Variants in SZT2 observed in about 807,000 individuals in gnomAD.
SZT2 encodes KICSTOR complex protein SZT2.
A neutral mutation model predicts 404.2 loss-of-function variants in SZT2; 216 were observed. The observed-to-expected ratio is 0.53, with a 90% CI of 0.48 to 0.60. SZT2 has a LOEUF of 0.60. Ranked by LOEUF, SZT2 falls within the 20% of genes least tolerant of loss-of-function variation. The probability of loss-of-function intolerance (pLI) is 0.00; values close to 1 mark genes in which losing one functional copy is unlikely to be tolerated. For missense variants in SZT2, 3,857 were observed against 4,459.2 expected (o/e 0.86, Z 3.85); for synonymous variants, 1,693 against 1,749.9 (o/e 0.97, Z 0.81).
Position 43,426,531 on chromosome 1 carries a change from C to T in SZT2, c.3207C>T (p.His1069=), listed in dbSNP as rs1034893903. Reference sequence around the variant, plus strand: ...GTGAGGTGCTGCGGCGGACCTGCCACGTTCCAGGTGAGTTCCCCACATCCT... The same window carrying T: ...GTGAGGTGCTGCGGCGGACCTGCCATGTTCCAGGTGAGTTCCCCACATCCT... ...FLSEVLRRTC[H]VPGAEGPLLG... is the part of the protein sequence containing the mutation. The change falls in exon 22 of 72, where the codon CAC becomes CAT. Residue 1069 remains histidine (H), a synonymous_variant. Transcript: ENST00000634258. The surrounding 1 kb of genome is among the most constrained non-coding windows in gnomAD (Gnocchi z 4.9). 119 of 1,574,490 alleles carry T rather than the reference C, an allele frequency of 7.6e-5. No homozygotes were observed. The highest frequency in any genetic ancestry group is 3.2e-4 in the South Asian group (28 of 87,712).
chr1:43,431,899 G>A lies in SZT2; in HGVS notation c.5272G>A (p.Glu1758Lys), dbSNP rs1653935784. Residue 1758 changes from glutamate to lysine, a missense_variant and splice_region_variant, in exon 36 of 72, where the codon GAG becomes AAG. Transcript: ENST00000634258. ...GPERSLTQFK[E>K]EFRRLHLPGH... Reference sequence around the variant, plus strand: ...AGAGCGTTCCCTCACACAATTCAAGGAGGTAAGTTGCCCTCCAAACACTGC... The same window carrying A: ...AGAGCGTTCCCTCACACAATTCAAGAAGGTAAGTTGCCCTCCAAACACTGC... 1.2e-6 allele frequency: 2 copies of A among 1,614,074 alleles called. No homozygotes were observed. The highest frequency in any genetic ancestry group is 1.7e-5 in the Admixed American group (1 of 60,026).
intron 63 of SZT2, 59 bp downstream of exon 63, chr1:43,446,043 G>T (rs1033781504): frequency 1.9e-6 from 3 of 1,598,546 alleles, no homozygotes; most frequent in Non-Finnish European, 2.6e-6. Flanking sequence ...ACGGCCTGAG[G>T]TCATTGACCC....
In SZT2 at chr1:43,441,374, G is replaced by A. The variant is rs1158981652; in HGVS notation, c.7505G>A (p.Arg2502Lys). The change falls in exon 53 of 72, where the codon AGA (arginine) becomes AAA (lysine). Residue 2502 changes from arginine to lysine, a missense_variant. By Grantham distance (26) the Arg-to-Lys change is conservative. Coordinates refer to ENST00000634258, the MANE Select transcript of SZT2 (RefSeq NM_001365999.1). This position sits in a 1 kb window ranked among gnomAD's most constrained non-coding sequence, Gnocchi z 4.8. ...CCAGGCTCAGATTCTGGAGCCCAGA[G>A]ACAAAAGTATGTGTGTGGTGGTGGT... ...RAPGSDSGAQ[R>K]QKRRTTQLEE... The A allele has an allele frequency of 6.2e-7, 1 of 1,614,168 alleles. No homozygotes were observed. Among genetic ancestry groups the A allele is most frequent in the South Asian group, 1.1e-5 (1 of 91,070 alleles).
chr1:43,424,918 C>A lies in SZT2; in HGVS notation c.2550+56C>A. The A allele has an allele frequency of 2.5e-6, 4 of 1,570,986 alleles. No individual in the cohort carries two copies. Among genetic ancestry groups the A allele is most frequent in the Non-Finnish European group, 3.5e-6 (4 of 1,141,534 alleles). ...CCAAGGTCTGTCATAATCCCAGGGA[C>A]ACTCACCTCTGAGCTGGGTTGGGAC... On this transcript the variant is annotated intron_variant, in intron 17 of 71. Transcript: ENST00000634258. This position sits in a 1 kb window ranked among gnomAD's most constrained non-coding sequence, Gnocchi z 4.1.
At position 43,416,092 on chromosome 1, in the gene SZT2, T is replaced by G. The variant is rs1046368553; in HGVS notation, c.763T>G (p.Ser255Ala). 1 of 1,598,212 alleles carries G rather than the reference T, an allele frequency of 6.3e-7. No homozygotes were observed. The highest frequency in any genetic ancestry group is 1.3e-5 in the African/African-American group (1 of 74,974). The change falls in exon 6 of 72, where the codon TCT (serine) becomes GCT (alanine). Residue 255 changes from serine (S) to alanine (A), a missense_variant. Physicochemically the swap from Ser to Ala is moderately conservative, Grantham distance 99. Transcript: ENST00000634258. ...GGCACTGCAGTTACTACCCTCGAAC[T>G]CTAGTGCAGGTCAGTAGAAGGAATA... ...ILALQLLPSN[S>A]SAGIIVITDG... is the part of the protein sequence containing the mutation.
chr1:43,401,269 T>C (rs1649654504), intron 1 of SZT2, among the ~76,000 whole-genome samples: 1 of 152,214 alleles, frequency 6.6e-6, no homozygotes, highest in South Asian at 2.1e-4. Flanking sequence ...GCTGAGCACT[T>C]CATATGCATG....
chr1:43,437,334 G>C lies in SZT2; in HGVS notation c.6187+11G>C. On this transcript the variant is annotated intron_variant, in intron 43 of 71. Transcript: ENST00000634258. The surrounding 1 kb of genome is among the most constrained non-coding windows in gnomAD (Gnocchi z 5.3). ...TGGGGGTCTCTCGGGGTATGTGATTGGCATGAGAGGGCAGGTGAGCATTGG... is the reference window on the plus strand; with the variant it reads ...TGGGGGTCTCTCGGGGTATGTGATTCGCATGAGAGGGCAGGTGAGCATTGG... 1 of 1,614,132 alleles carries C rather than the reference G, an allele frequency of 6.2e-7. No homozygotes were observed. Among genetic ancestry groups the C allele is most frequent in the Non-Finnish European group, 8.5e-7 (1 of 1,180,012 alleles).
chr1:43,442,532 G>A lies in SZT2; in HGVS notation c.8065G>A (p.Ala2689Thr). 1 of 1,614,110 alleles carries A rather than the reference G, an allele frequency of 6.2e-7. No individual in the cohort carries two copies. The highest frequency in any genetic ancestry group is 8.5e-7 in the Non-Finnish European group (1 of 1,179,988). The change falls in exon 58 of 72, where the codon GCC (alanine) becomes ACC (threonine). Residue 2689 changes from alanine to threonine, a missense_variant. Ala to Thr is a moderately conservative substitution (Grantham distance 58, BLOSUM62 0). Coordinates refer to ENST00000634258, the MANE Select transcript of SZT2 (RefSeq NM_001365999.1). The surrounding 1 kb of genome is among the most constrained non-coding windows in gnomAD (Gnocchi z 4.5). ...VRLVQWQNARAHLIFCLLSQK... is the reference protein window; with the variant it reads ...VRLVQWQNARTHLIFCLLSQK... ...CCTGGTGCAGTGGCAGAATGCACGA[G>A]CCCATCTCATCTTCTGCCTACTCAG...
At chr1:43,396,020 C>G (rs1454160506) in intron 1 of SZT2, among the ~76,000 whole-genome samples, 1 of 152,106 alleles carries the variant, frequency 6.6e-6, no homozygotes, top group Admixed American at 6.6e-5. Context: ...TCCAAAAAAG[C>G]CAGGTGCATG....
chr1:43,398,649 G>T (rs572263754), intron 1 of SZT2, among the ~76,000 whole-genome samples: 2 of 152,216 alleles, frequency 1.3e-5, no homozygotes, highest in Non-Finnish European at 2.9e-5. Flanking sequence ...TAATTGCTGT[G>T]ATTTCCTTCT....
chr1:43,411,769 CTT>C (rs386366817), intron 4 of SZT2, among the ~76,000 whole-genome samples: 12 of 74,050 alleles, frequency 1.6e-4, no homozygotes, highest in East Asian at 4.8e-4. Flanking sequence ...CATCCACTAT[CTT>C]TTTTTTTTTT....
chr1:43,395,624 A>G (rs946804387), intron 1 of SZT2, among the ~76,000 whole-genome samples: 12 of 152,304 alleles, frequency 7.9e-5, no homozygotes, highest in Non-Finnish European at 1.3e-4. Context: ...GTAGAACCAC[A>G]TTCTTATCCT....
intron 36 of SZT2, 129 bp from the exon 37 acceptor site, chr1:43,432,143 T>TA: frequency 8.6e-7 from 1 of 1,157,874 alleles, no homozygotes. Context: ...AATCTTTTCT[T>TA]ACCTCAGCAG....
Position 43,432,360 on chromosome 1 carries a change from G to A in SZT2, c.5363G>A (p.Gly1788Asp), listed in dbSNP as rs764235901. 1.9e-6 allele frequency: 3 copies of A among 1,607,728 alleles called. No individual in the cohort carries two copies. Among genetic ancestry groups the A allele is most frequent in the East Asian group, 2.2e-5 (1 of 44,842 alleles). Reference sequence around the variant, plus strand: ...TTTGTGGCAGCTGGCCAACAGCCAGGTGGGTCCCATGGGGAGCCTTCTTCA... The same window carrying A: ...TTTGTGGCAGCTGGCCAACAGCCAGATGGGTCCCATGGGGAGCCTTCTTCA... ...FFFVAAGQQP[G>D]GSHGEPSSAA... is the part of the protein sequence containing the mutation. Residue 1788 changes from glycine (G) to aspartate (D), a missense_variant, in exon 37 of 72, where the codon GGT becomes GAT. Gly to Asp is a moderately conservative substitution (Grantham distance 94). Around this residue, in one of 7 missense-constraint regions of SZT2, gnomAD observed 1,725 missense variants for 1,881.0 expected, o/e 0.92. Coordinates refer to ENST00000634258, the MANE Select transcript of SZT2 (RefSeq NM_001365999.1).
chr1:43,420,143 G>T lies in SZT2; in HGVS notation c.1091-10G>T. 1 of 1,597,998 alleles carries T rather than the reference G, an allele frequency of 6.3e-7. No individual in the cohort carries two copies. ...CAGTTTCTCCTTCCCCATCTCCACT[G>T]GTCTTCCAGGCTCTCAGCACCGCCT... On this transcript the variant is annotated splice_polypyrimidine_tract_variant and intron_variant, in intron 8 of 71. Coordinates refer to ENST00000634258, the MANE Select transcript of SZT2 (RefSeq NM_001365999.1). The surrounding 1 kb of genome is among the most constrained non-coding windows in gnomAD (Gnocchi z 5.1).
chr1:43,405,143 A>T (rs1650151769), intron 4 of SZT2: 1 of 152,528 alleles, frequency 6.6e-6, no homozygotes, highest in South Asian at 2.1e-4. Context: ...AACGGGGATG[A>T]TAGGCACTCA....
Position 43,452,560 on chromosome 1 carries a change from C to T in SZT2, c.*2080C>T. On this transcript the variant is annotated 3_prime_UTR_variant, in exon 72 of 72. Transcript: ENST00000634258. Reference sequence around the variant, plus strand: ...TCCTGCCTCCAGTACTTTCCAAAACCTTTCCTTCCCTCGGTCCTTCTCCGC... The same window carrying T: ...TCCTGCCTCCAGTACTTTCCAAAACTTTTCCTTCCCTCGGTCCTTCTCCGC... 1.6e-6 allele frequency: 1 copy of T among 621,452 alleles called. No individual in the cohort carries two copies. The highest frequency in any genetic ancestry group is 1.8e-5 in the South Asian group (1 of 54,070). 38.5% of individuals were successfully genotyped at this position (621,452 alleles called of 1,614,324 possible). A position where few individuals can be genotyped will look rare whatever the true frequency, so the allele number is the denominator to read the frequency against.
At position 43,445,985 on chromosome 1, in the gene SZT2, G is replaced by C; in HGVS notation, c.8916+1G>C. ...AACCAAGACTGATGGGAGCCCCAAG[G>C]TAACTTGTCATATAATGGTAAAGTT... is the stretch of plus-strand genomic sequence containing the variant. On this transcript the variant is annotated splice_donor_variant, in intron 63 of 71. Transcript: ENST00000634258. LOFTEE classifies it high-confidence loss of function. The C allele has an allele frequency of 6.2e-7, 1 of 1,613,968 alleles. No individual in the cohort carries two copies. Among genetic ancestry groups the C allele is most frequent in the Admixed American group, 1.7e-5 (1 of 59,982 alleles).
Position 43,446,180 on chromosome 1 carries a change from GCA to G in SZT2, c.8920_8921del (p.Thr2974Ter). The G allele has an allele frequency of 6.2e-7, 1 of 1,614,194 alleles. No individual in the cohort carries two copies. The highest frequency in any genetic ancestry group is 1.3e-5 in the African/African-American group (1 of 75,062). On this transcript the variant is annotated frameshift_variant and splice_region_variant, in exon 64 of 72. Coordinates refer to ENST00000634258, the MANE Select transcript of SZT2 (RefSeq NM_001365999.1). LOFTEE classifies it high-confidence loss of function. Reference sequence around the variant, plus strand: ...TTGCCCCCTTTTTTGTTTCTTCAGAGCACTAGCTCTCCGGTAACCACCTACCA... The same window carrying G: ...TTGCCCCCTTTTTTGTTTCTTCAGAGCTAGCTCTCCGGTAACCACCTACCA...
Sources: allele counts gnomAD v4.1 joint callset (sites outside exome capture counted in the v4.1 genomes callset), GRCh38; gene constraint gnomAD v4.1.1; regional missense constraint gnomAD v4.1.1; non-coding constraint Gnocchi (gnomAD v3.1); transcripts MANE v1.5; gene names NCBI Gene and HGNC (gene_info 2026-07-23, HGNC 2026-07-21).